LGSN: variants seen among roughly 807,000 people sequenced by gnomAD.
LGSN encodes lengsin, lens protein with glutamine synthetase domain, also known as lengsin.
LGSN carries 21 observed loss-of-function variants against 19.5 expected under a neutral mutation model. The observed-to-expected ratio is 1.07, with a 90% CI of 0.76 to 1.55. The LOEUF is 1.55. LGSN is among the 40% of genes most tolerant of loss of function. The pLI is 0.00. For missense variants in LGSN, 673 were observed against 608.5 expected, an observed-to-expected ratio of 1.11 and a Z score of -1.12; for synonymous variants, 257 against 215.6, an observed-to-expected ratio of 1.19 and a Z score of -1.68.
the LGSN span, among the ~76,000 whole-genome samples, chr6:63,455,638 C>A: frequency 3.9e-5 from 6 of 152,152 alleles, no homozygotes; most frequent in Admixed American, 3.3e-4. Context: ...CCTGTAATCC[C>A]AGCTACTTGG....
At chr6:63,477,256 T>C in the LGSN span, among the ~76,000 whole-genome samples, 1 of 152,244 alleles carries the variant, frequency 6.6e-6, no homozygotes, top group Admixed American at 6.5e-5. Context: ...CTTTGTTACA[T>C]GCTGTTCTAG....
chr6:63,296,341 T>A (rs528348960), intron 1 of LGSN, among the ~76,000 whole-genome samples: 19 of 151,754 alleles, frequency 1.3e-4, no homozygotes, highest in Non-Finnish European at 2.6e-4. Context: ...TTAATTTCAA[T>A]ACTTGCATAA....
In LGSN at chr6:63,295,047, T is replaced by C; in HGVS notation, c.31-2A>G. 2 of 1,611,948 alleles carry C rather than the reference T, an allele frequency of 1.2e-6. No individual in the cohort carries two copies. Among genetic ancestry groups the C allele is most frequent in the Non-Finnish European group, 8.5e-7 (1 of 1,178,664 alleles). ...ATTGCCTTCATCTCTTGTTGAGTCC[T>C]GTTGATAATTAATAAACAAAAAGCC... On this transcript the variant is annotated splice_acceptor_variant, in intron 1 of 3. Transcript: ENST00000370657. LOFTEE classifies it high-confidence loss of function.
chr6:63,376,623 T>A, the LGSN span, among the ~76,000 whole-genome samples: 167 of 152,322 alleles, frequency 1.1e-3, no homozygotes, highest in African/African-American at 3.7e-3. Context: ...CTCTTTAACT[T>A]CTTTTTTAAT....
At chr6:63,555,310 C>T in the LGSN span, among the ~76,000 whole-genome samples, 44 of 152,138 alleles carry the variant, frequency 2.9e-4, no homozygotes, top group Non-Finnish European at 3.8e-4. Context: ...CAAGGAACTT[C>T]GGAGAGTTCC....
At chr6:63,346,334 A>G in the LGSN span, among the ~76,000 whole-genome samples, 1 of 151,902 alleles carries the variant, frequency 6.6e-6, no homozygotes, top group Non-Finnish European at 1.5e-5. Context: ...GAAAAGCTGG[A>G]CATTGAGTTA....
chr6:63,312,182 TC>T (rs1768657653), intron 1 of LGSN, among the ~76,000 whole-genome samples: 1 of 152,242 alleles, frequency 6.6e-6, no homozygotes, highest in African/African-American at 2.4e-5. Flanking sequence ...TATCACTTTT[TC>T]TTTATCCATT....
chr6:63,451,420 A>G, the LGSN span, among the ~76,000 whole-genome samples: 1 of 152,258 alleles, frequency 6.6e-6, no homozygotes, highest in Non-Finnish European at 1.5e-5. Flanking sequence ...GTATAAAAGA[A>G]TGAGATCATG....
chr6:63,548,326 C>A, the LGSN span, among the ~76,000 whole-genome samples: 1 of 152,212 alleles, frequency 6.6e-6, no homozygotes, highest in South Asian at 2.1e-4. Flanking sequence ...AAGAAAATCA[C>A]AATATCTACC....
intron 1 of LGSN, among the ~76,000 whole-genome samples, chr6:63,306,761 TC>T (rs1167766550): frequency 6.6e-6 from 1 of 152,188 alleles, no homozygotes; most frequent in Non-Finnish European, 1.5e-5. Context: ...TGATAGCCCT[TC>T]CCAGGAAGGA....
chr6:63,345,431 A>G, the LGSN span, among the ~76,000 whole-genome samples: 5 of 152,356 alleles, frequency 3.3e-5, no homozygotes, highest in African/African-American at 1.2e-4. Context: ...CGCCAAAAAT[A>G]AAATTTAAAG....
At chr6:63,311,626 C>T (rs2127395075) in intron 1 of LGSN, among the ~76,000 whole-genome samples, 1 of 152,312 alleles carries the variant, frequency 6.6e-6, no homozygotes, top group South Asian at 2.1e-4. Context: ...TGCTCTGATA[C>T]ATGCTGTATT....
intron 2 of LGSN, among the ~76,000 whole-genome samples, chr6:63,291,187 C>T (rs1166646186): frequency 3.3e-5 from 5 of 152,150 alleles, no homozygotes; most frequent in Non-Finnish European, 7.3e-5. Flanking sequence ...TTTTGGGTTG[C>T]GGCCCTACAG....
intron 1 of LGSN, among the ~76,000 whole-genome samples, chr6:63,314,903 G>T (rs1291865531): frequency 2.0e-5 from 3 of 152,142 alleles, no homozygotes; most frequent in African/African-American, 7.2e-5. Context: ...CTCTAGCAAA[G>T]CTCAGCTGGA....
the LGSN span, among the ~76,000 whole-genome samples, chr6:63,412,430 G>GA: frequency 1.9e-4 from 24 of 127,510 alleles, no homozygotes; most frequent in South Asian, 9.7e-4. Flanking sequence ...AAGAAAGAAA[G>GA]AAAGAAAGAA....
chr6:63,426,463 G>A, the LGSN span, among the ~76,000 whole-genome samples: 2 of 152,142 alleles, frequency 1.3e-5, no homozygotes, highest in African/African-American at 2.4e-5. Context: ...TTGTGCCTGA[G>A]TGTAACCCAG....
At chr6:63,463,409 C>T in the LGSN span, among the ~76,000 whole-genome samples, 2 of 152,258 alleles carry the variant, frequency 1.3e-5, no homozygotes, top group South Asian at 2.1e-4. Context: ...CATTTTGTCT[C>T]ATCTGCCACT....
chr6:63,493,313 C>A, the LGSN span, among the ~76,000 whole-genome samples: 1 of 152,132 alleles, frequency 6.6e-6, no homozygotes, highest in Non-Finnish European at 1.5e-5. Context: ...ATTTGCAGAG[C>A]ACAGATTTCT....
At chr6:63,517,490 GAAACCATTTA>G in the LGSN span, among the ~76,000 whole-genome samples, 14 of 152,068 alleles carry the variant, frequency 9.2e-5, no homozygotes, top group Middle Eastern at 3.2e-3. Flanking sequence ...CCCGTAAAGT[GAAACCATTTA>G]AATGGTGAAA....
Sources: gnomAD v4.1 joint callset for allele counts (sites outside exome capture counted in the v4.1 genomes callset) on GRCh38, gnomAD v4.1.1 for gene constraint, MANE v1.5 for transcripts, NCBI Gene and HGNC (gene_info 2026-07-23, HGNC 2026-07-21) for gene names.